The following FOXP2 variants were observed in gnomAD, a reference collection of about 807,000 sequenced individuals.
The protein encoded by FOXP2 is forkhead box P2.
Under a neutral mutation model 115.8 loss-of-function variants are expected in FOXP2, and 12 were observed. The ratio of observed to expected loss-of-function variants is 0.10; its 90% CI spans 0.07 to 0.17. The LOEUF (loss-of-function observed/expected upper bound fraction) is 0.17. Ranked by LOEUF, FOXP2 falls within the 10% of genes least tolerant of loss-of-function variation. FOXP2 has a pLI of 1.00. For synonymous variants in FOXP2, 328 were observed against 297.7 expected, an observed-to-expected ratio of 1.10 and a Z score of -1.05; for missense variants, 629 against 843.5, an observed-to-expected ratio of 0.75 and a Z score of 3.15.
chr7:114,235,937 A>C (rs566560030), intron 1 of FOXP2, among the ~76,000 whole-genome samples: 17 of 152,288 alleles, frequency 1.1e-4, no homozygotes, highest in African/African-American at 3.6e-4. Flanking sequence ...ATTTCTCTCT[A>C]AGTGCTTGTA....
chr7:114,122,458 A>G (rs1356539103), intron 1 of FOXP2, among the ~76,000 whole-genome samples: 3 of 149,164 alleles, frequency 2.0e-5, no homozygotes, highest in African/African-American at 5.0e-5. Flanking sequence ...GCAATGAAAT[A>G]CAACCTTCAT....
rs565416520 is a variant in FOXP2 at position 114,643,949 on chromosome 7, A to C, written c.990-736A>C. On this transcript the variant is annotated intron_variant, in intron 7 of 16. Transcript: ENST00000350908. ...TAATTATAGTACAGTTTAAAATAAA[A>C]TTCTATAATTCAGTGATGTTTCTGG... 5.3e-5 allele frequency among the ~76,000 whole-genome samples: 8 copies of C among 152,300 alleles called. No individual in the cohort carries two copies. The East Asian group carries it at 1.5e-3, about 29-fold the overall frequency.
At chr7:114,171,557 G>C (rs1307811307) in intron 1 of FOXP2, among the ~76,000 whole-genome samples, 1 of 152,192 alleles carries the variant, frequency 6.6e-6, no homozygotes, top group Non-Finnish European at 1.5e-5. Context: ...TGGTGACAGA[G>C]TGAGACTGTC....
At chr7:114,180,756 C>T (rs1360466425) in intron 1 of FOXP2, among the ~76,000 whole-genome samples, 1 of 151,870 alleles carries the variant, frequency 6.6e-6, no homozygotes, top group Non-Finnish European at 1.5e-5. Context: ...TTGATTCAAT[C>T]TCCAAAATAG....
intron 2 of FOXP2, among the ~76,000 whole-genome samples, chr7:114,372,995 ACTT>A (rs1157083108): frequency 6.6e-6 from 1 of 151,356 alleles, no homozygotes; most frequent in Non-Finnish European, 1.5e-5. Context: ...ATAGAATAAA[ACTT>A]CTTTTTTTTT....
At chr7:114,518,422 T>A (rs17137077) in intron 2 of FOXP2, among the ~76,000 whole-genome samples, 3,983 of 152,236 alleles carry the variant, frequency 0.026, 173 homozygotes, top group African/African-American at 0.088. Flanking sequence ...TGACAGTGAA[T>A]TATTATACAG....
At chr7:114,550,453 C>T (rs1441854131) in intron 3 of FOXP2, among the ~76,000 whole-genome samples, 1 of 152,062 alleles carries the variant, frequency 6.6e-6, no homozygotes, top group Non-Finnish European at 1.5e-5. Context: ...TTTCTTCCAA[C>T]CTCCCTCTCT....
intron 2 of FOXP2, among the ~76,000 whole-genome samples, chr7:114,315,461 A>G (rs931310238): frequency 6.6e-6 from 1 of 152,166 alleles, no homozygotes; most frequent in African/African-American, 2.4e-5. Flanking sequence ...TGATAAAACC[A>G]TGTTATGAAT....
chr7:114,171,384 G>T (rs1793135698), intron 1 of FOXP2, among the ~76,000 whole-genome samples: 1 of 152,100 alleles, frequency 6.6e-6, no homozygotes, highest in African/African-American at 2.4e-5. Flanking sequence ...ACCAGCCTGG[G>T]CAACATAACG....
At chr7:114,106,540 T>C (rs530928865) in intron 1 of FOXP2, among the ~76,000 whole-genome samples, 1 of 152,102 alleles carries the variant, frequency 6.6e-6, no homozygotes, top group African/African-American at 2.4e-5. Context: ...CAGAAGTAGA[T>C]ATATCATGTT....
intron 1 of FOXP2, among the ~76,000 whole-genome samples, chr7:114,180,862 C>T (rs1470754002): frequency 6.6e-6 from 1 of 151,872 alleles, no homozygotes; most frequent in Non-Finnish European, 1.5e-5. Flanking sequence ...TTGGTTTACT[C>T]AATTCTTTAT....
chr7:114,319,613 A>G (rs1797362276), intron 2 of FOXP2, among the ~76,000 whole-genome samples: 1 of 152,136 alleles, frequency 6.6e-6, no homozygotes, highest in South Asian at 2.1e-4. Flanking sequence ...CCCATTCACT[A>G]TCACAAGAAC....
Position 114,597,748 on chromosome 7 carries a change from C to T in FOXP2, c.259-30792C>T, listed in dbSNP as rs569383923. 6.6e-5 allele frequency among the ~76,000 whole-genome samples: 10 copies of T among 152,250 alleles called. 1 individual carries two copies. Among genetic ancestry groups the T allele is most frequent in the East Asian group, 5.8e-4 (3 of 5,174 alleles). On this transcript the variant is annotated intron_variant, in intron 3 of 16. Coordinates refer to ENST00000350908, the MANE Select transcript of FOXP2 (RefSeq NM_014491.4). Reference sequence around the variant, plus strand: ...AGCACCTTGTAGGTTACTGGAGGCTCTTTGGCAAGATATATTGCTTCCCAT... The same window carrying T: ...AGCACCTTGTAGGTTACTGGAGGCTTTTTGGCAAGATATATTGCTTCCCAT...
intron 1 of FOXP2, among the ~76,000 whole-genome samples, chr7:114,102,696 C>CA (rs1554414685): frequency 7.3e-6 from 1 of 136,388 alleles, no homozygotes; most frequent in Admixed American, 7.3e-5. Context: ...ACACCACACA[C>CA]CACACACACA....
chr7:114,419,196 G>A (rs1171931829), intron 1 of FOXP2, among the ~76,000 whole-genome samples: 1 of 151,832 alleles, frequency 6.6e-6, no homozygotes, highest in Non-Finnish European at 1.5e-5. Flanking sequence ...GATAATCTAT[G>A]TGTATTAAAT....
At chr7:114,238,214 T>A (rs1197845708) in intron 1 of FOXP2, among the ~76,000 whole-genome samples, 4 of 152,222 alleles carry the variant, frequency 2.6e-5, no homozygotes, top group African/African-American at 9.6e-5. Flanking sequence ...CACTGGTGTA[T>A]TCTATTCCCA....
intron 2 of FOXP2, among the ~76,000 whole-genome samples, chr7:114,494,729 T>C (rs1313332817): frequency 3.9e-5 from 6 of 152,152 alleles, no homozygotes; most frequent in Non-Finnish European, 5.9e-5. Context: ...TTTTAAAAAT[T>C]GAAACCAATC....
At chr7:114,351,224 A>AT (rs1791481466) in intron 2 of FOXP2, among the ~76,000 whole-genome samples, 1 of 152,142 alleles carries the variant, frequency 6.6e-6, no homozygotes, top group African/African-American at 2.4e-5. Context: ...AAACTTGTGT[A>AT]TTTTTTAATA....
chr7:114,132,586 A>AGC (rs1791918378), intron 1 of FOXP2, among the ~76,000 whole-genome samples: 1 of 140,716 alleles, frequency 7.1e-6, no homozygotes, highest in South Asian at 2.4e-4. Flanking sequence ...TGTGTGTGAG[A>AGC]GAGAGAGAGA....
Sources: gnomAD v4.1 joint callset for allele counts (sites outside exome capture counted in the v4.1 genomes callset) on GRCh38, gnomAD v4.1.1 for gene constraint, MANE v1.5 for transcripts, NCBI Gene and HGNC (gene_info 2026-07-23, HGNC 2026-07-21) for gene names.